CCNH: variants seen among roughly 807,000 people sequenced by gnomAD.
CCNH encodes the protein cyclin-H.
Under a neutral mutation model 41.9 loss-of-function variants are expected in CCNH, and 31 were observed. The ratio of observed to expected loss-of-function variants is 0.74; its 90% CI spans 0.56 to 1.00. CCNH has a LOEUF of 1.00. Among genes scored for constraint, CCNH ranks in the 50% least tolerant of loss-of-function variants. The pLI is 0.00. For missense variants in CCNH, 362 were observed against 388.4 expected (o/e 0.93, Z 0.57); for synonymous variants, 138 against 136.1 (o/e 1.01, Z -0.10).
downstream of CCNH, among the ~76,000 whole-genome samples, chr5:87,387,860 T>C (rs1303203068): frequency 1.3e-5 from 2 of 152,202 alleles, no homozygotes; most frequent in Non-Finnish European, 1.5e-5. Flanking sequence ...TGGGATATAG[T>C]TGGTCAATCA....
At chr5:87,345,569 C>T (rs1474201251) in intron 9 of CCNH, among the ~76,000 whole-genome samples, 3 of 152,076 alleles carry the variant, frequency 2.0e-5, no homozygotes, top group Non-Finnish European at 1.5e-5. Context: ...AAAATTTACA[C>T]AGGGAGCACC....
chr5:87,315,778 A>C (rs1289132841), downstream of CCNH, among the ~76,000 whole-genome samples: 1 of 152,208 alleles, frequency 6.6e-6, no homozygotes, highest in African/African-American at 2.4e-5. Flanking sequence ...ATTAGTAATC[A>C]AGCAGATTAA....
At chr5:87,404,624 A>G (rs1378357708) in intron 5 of CCNH, among the ~76,000 whole-genome samples, 1 of 152,198 alleles carries the variant, frequency 6.6e-6, no homozygotes, top group Non-Finnish European at 1.5e-5. Context: ...CAGTCTTTCA[A>G]GGATCACCTG....
intron 9 of CCNH, among the ~76,000 whole-genome samples, chr5:87,352,806 C>T (rs1297005533): frequency 6.6e-6 from 1 of 151,408 alleles, no homozygotes; most frequent in African/African-American, 2.4e-5. Flanking sequence ...ATTCTTCATT[C>T]TTAGTATCTC....
chr5:87,392,299 C>G (rs1762583267), downstream of CCNH: 1 of 455,928 alleles, frequency 2.2e-6, no homozygotes. Context: ...TAAAAGATGT[C>G]TGCTTAGTAG....
chr5:87,389,741 A>C (rs72783711), downstream of CCNH, among the ~76,000 whole-genome samples: 24,460 of 152,240 alleles, frequency 0.16, 2,436 homozygotes, highest in East Asian at 0.41. Flanking sequence ...TTTGCTCTTG[A>C]GTCTGAATGT....
chr5:87,392,505 C>G, downstream of CCNH: 1 of 375,080 alleles, frequency 2.7e-6, no homozygotes, highest in Non-Finnish European at 5.3e-6. Flanking sequence ...TGTTTTTTAG[C>G]TGGACTTGGA....
chr5:87,386,709 T>C (rs934523585), downstream of CCNH: 9 of 820,332 alleles, frequency 1.1e-5, no homozygotes, highest in African/African-American at 1.5e-4. Context: ...GCTATATTAA[T>C]TTGGTGCAAT....
intron 9 of CCNH, among the ~76,000 whole-genome samples, chr5:87,364,897 C>T (rs1478733503): frequency 6.6e-6 from 1 of 152,002 alleles, no homozygotes; most frequent in African/African-American, 2.4e-5. Context: ...ATGAGGAGAC[C>T]CTTTTGTGCC....
chr5:87,338,539 T>A (rs1372358808), intron 9 of CCNH, among the ~76,000 whole-genome samples: 4 of 99,496 alleles, frequency 4.0e-5, no homozygotes, highest in Admixed American at 1.1e-4. Flanking sequence ...ATATAAAATT[T>A]TTTTTTTTTT....
At chr5:87,375,041 T>A, downstream of CCNH, 4 of 1,262,216 alleles carry the variant, frequency 3.2e-6, no homozygotes, top group Non-Finnish European at 4.2e-6. Context: ...TTTGAGATAG[T>A]TTCTTTCTGT....
At chr5:87,384,096 G>C (rs570334929) in intron 9 of CCNH, among the ~76,000 whole-genome samples, 2 of 152,152 alleles carry the variant, frequency 1.3e-5, no homozygotes, top group South Asian at 4.1e-4. Context: ...GCTTTTTCAA[G>C]TTGGGAAGAG....
chr5:87,343,552 C>G (rs753336838), intron 9 of CCNH, among the ~76,000 whole-genome samples: 1 of 152,020 alleles, frequency 6.6e-6, no homozygotes, highest in Non-Finnish European at 1.5e-5. Flanking sequence ...TGGCTTTTAT[C>G]CAAAAGATAG....
At chr5:87,399,166 C>G (rs913483600) in intron 7 of CCNH, among the ~76,000 whole-genome samples, 3 of 152,124 alleles carry the variant, frequency 2.0e-5, no homozygotes, top group African/African-American at 7.2e-5. Flanking sequence ...CAGAACAGGA[C>G]AGGGCCTGCA....
At chr5:87,330,549 A>G (rs1255761299) in intron 9 of CCNH, among the ~76,000 whole-genome samples, 1 of 152,212 alleles carries the variant, frequency 6.6e-6, no homozygotes, top group Non-Finnish European at 1.5e-5. Context: ...CCATGCCTGT[A>G]TGATACTTCT....
intron 5 of CCNH, among the ~76,000 whole-genome samples, chr5:87,404,622 C>A (rs1763650042): frequency 6.6e-6 from 1 of 152,186 alleles, no homozygotes; most frequent in Non-Finnish European, 1.5e-5. Flanking sequence ...ATCAGTCTTT[C>A]AAGGATCACC....
downstream of CCNH, chr5:87,374,083 C>T (rs1226520584): frequency 8.4e-7 from 1 of 1,195,910 alleles, no homozygotes; most frequent in Non-Finnish European, 1.1e-6. Context: ...GGCTTTGTAT[C>T]TTAGAGTAAT....
chr5:87,328,791 G>A (rs973483726), intron 9 of CCNH, among the ~76,000 whole-genome samples: 1 of 152,126 alleles, frequency 6.6e-6, no homozygotes. Flanking sequence ...GAGAAATACT[G>A]TTTTTGAGTA....
intron 9 of CCNH, among the ~76,000 whole-genome samples, chr5:87,340,603 GAATAA>G (rs1400132066): frequency 6.6e-6 from 1 of 151,934 alleles, no homozygotes; most frequent in African/African-American, 2.4e-5. Context: ...GAGGAATATA[GAATAA>G]AATAAAGTTC....
Sources: gnomAD v4.1 joint callset for allele counts (sites outside exome capture counted in the v4.1 genomes callset) on GRCh38, gnomAD v4.1.1 for gene constraint, MANE v1.5 for transcripts, NCBI Gene and HGNC (gene_info 2026-07-23, HGNC 2026-07-21) for gene names.